PTPRN: variants seen among roughly 807,000 people sequenced by gnomAD.
The protein encoded by PTPRN is receptor-type tyrosine-protein phosphatase-like N.
PTPRN carries 70 observed loss-of-function variants against 108.5 expected under a neutral mutation model. The ratio of observed to expected loss-of-function variants is 0.65; its 90% CI spans 0.53 to 0.79. The LOEUF (loss-of-function observed/expected upper bound fraction) is 0.79, where lower values mean the gene tolerates loss of function less well. Ranked by LOEUF, PTPRN falls within the 30% of genes least tolerant of loss-of-function variation. The pLI is 0.00. For synonymous variants in PTPRN, 496 were observed against 524.6 expected, an observed-to-expected ratio of 0.95 and a Z score of 0.75; for missense variants, 1,136 against 1,295.5, an observed-to-expected ratio of 0.88 and a Z score of 1.89.
rs1246790660 is a variant in PTPRN, at chr2:219,296,181, A to T, written c.2508+45T>A. On this transcript the variant is annotated intron_variant, in intron 18 of 22. Coordinates refer to ENST00000295718, the MANE Select transcript of PTPRN (RefSeq NM_002846.4). This position sits in a 1 kb window ranked among gnomAD's most constrained non-coding sequence, Gnocchi z 6.0. ...AAACGTTACGAAAAGGCCATCATCT[A>T]CTCTTCCCACATCCATTGTCCCCTT... 6.2e-7 allele frequency: 1 copy of T among 1,606,510 alleles called. No individual in the cohort carries two copies. The highest frequency in any genetic ancestry group is 2.2e-5 in the East Asian group (1 of 44,642).
intron 8 of PTPRN, 108 bp downstream of exon 8, chr2:219,300,835 G>T: frequency 7.8e-7 from 1 of 1,274,740 alleles, no homozygotes; most frequent in Non-Finnish European, 1.1e-6. Context: ...CCCCCAAAAT[G>T]AGGGGTGGGA....
chr2:219,290,217 C>T lies in PTPRN; in HGVS notation c.*9G>A, dbSNP rs1416230481. The T allele has an allele frequency of 5.0e-6, 8 of 1,613,630 alleles. No individual in the cohort carries two copies. The highest frequency in any genetic ancestry group is 1.3e-5 in the African/African-American group (1 of 74,908). ...GAGGCTGGGCTGCCCGCCAAGGGGC[C>T]CCAGGGTCTCACTGGGGCAGGGCCT... On this transcript the variant is annotated 3_prime_UTR_variant, in exon 23 of 23. Coordinates refer to ENST00000295718, the MANE Select transcript of PTPRN (RefSeq NM_002846.4). The surrounding 1 kb of genome is among the most constrained non-coding windows in gnomAD (Gnocchi z 4.2).
In PTPRN at chr2:219,297,041, G is replaced by A; in HGVS notation, c.2180C>T (p.Ala727Val). 6.2e-7 allele frequency: 1 copy of A among 1,614,054 alleles called. No individual in the cohort carries two copies. The highest frequency in any genetic ancestry group is 1.1e-5 in the South Asian group (1 of 91,088). The part of the protein sequence containing the change: ...CAYQAEPNTC[A>V]TAQGEGNIKK... ...GATGTTGCCCTCCCCCTGCGCGGTG[G>A]CACAGGTGTTTGGCTCTGCTTGGTA... The change falls in exon 15 of 23, where the codon GCC (alanine) becomes GTC (valine). Residue 727 changes from alanine (A) to valine (V), a missense_variant. Physicochemically the swap from Ala to Val is moderately conservative, Grantham distance 64 (BLOSUM62 0). Coordinates refer to ENST00000295718, the MANE Select transcript of PTPRN (RefSeq NM_002846.4). The surrounding 1 kb of genome is among the most constrained non-coding windows in gnomAD (Gnocchi z 6.0).
rs189371244 is a variant in PTPRN, at chr2:219,302,276, C to T, written c.855G>A (p.Leu285=). The T allele has an allele frequency of 8.1e-6, 13 of 1,614,060 alleles. No homozygotes were observed. The highest frequency in any genetic ancestry group is 1.3e-5 in the African/African-American group (1 of 74,932). Residue 285 remains leucine (L), a synonymous_variant, in exon 6 of 23, where the codon TTG becomes TTA. Coordinates refer to ENST00000295718, the MANE Select transcript of PTPRN (RefSeq NM_002846.4). ...GCACCCTGGCCCTGCTGGGTGCTGG[C>T]AACTCCTGGGCCAGATAGAGCAGCC... is the stretch of plus-strand genomic sequence containing the variant. ...DSGLLYLAQE[L]PAPSRARVPR...
chr2:219,298,175 C>T lies in PTPRN; in HGVS notation c.1669-72G>A. 14 of 1,435,622 alleles carry T rather than the reference C, an allele frequency of 9.8e-6. No individual in the cohort carries two copies. The South Asian group carries it at 1.7e-4, about 17-fold the overall frequency. 88.9% of individuals were successfully genotyped at this position (1,435,622 alleles called of 1,614,324 possible). Reference sequence around the variant, plus strand: ...TTTCAGAGCTGCTCCTCACCCCGGTCCCATGCCACACCCCCTGTTAGGACA... The same window carrying T: ...TTTCAGAGCTGCTCCTCACCCCGGTTCCATGCCACACCCCCTGTTAGGACA... On this transcript the variant is annotated intron_variant, in intron 12 of 22. Coordinates refer to ENST00000295718, the MANE Select transcript of PTPRN (RefSeq NM_002846.4).
chr2:219,298,051 A>G lies in PTPRN; in HGVS notation c.1721T>C (p.Met574Thr), dbSNP rs772726843. 1.4e-5 allele frequency: 22 copies of G among 1,613,952 alleles called. No individual in the cohort carries two copies. The highest frequency in any genetic ancestry group is 1.3e-5 in the Non-Finnish European group (15 of 1,180,002). Residue 574 changes from methionine (M) to threonine (T), a missense_variant, in exon 13 of 23, where the codon ATG becomes ACG. Coordinates refer to ENST00000295718, the MANE Select transcript of PTPRN (RefSeq NM_002846.4). ...LPQTAHSTSPMRSVLLTLVAL... is the reference protein window; with the variant it reads ...LPQTAHSTSPTRSVLLTLVAL... ...CACCAGAGTGAGCAGCACTGAGCGCATGGGTGAGGTGCTGTGCGCAGTTTG... is the reference window on the plus strand; with the variant it reads ...CACCAGAGTGAGCAGCACTGAGCGCGTGGGTGAGGTGCTGTGCGCAGTTTG...
rs1299724786 is a variant in PTPRN, at chr2:219,302,379, C to G, written c.752G>C (p.Gly251Ala). The G allele has an allele frequency of 6.2e-7, 1 of 1,613,974 alleles. No individual in the cohort carries two copies. Residue 251 changes from glycine to alanine, a missense_variant, in exon 6 of 23, where the codon GGC becomes GCC. By Grantham distance (60) the Gly-to-Ala change is moderately conservative. Coordinates refer to ENST00000295718, the MANE Select transcript of PTPRN (RefSeq NM_002846.4). ...GTGGCCAGGGTGGTCCCCAAATATG[C>G]CCTTGGAGGCAGTTCTGCTGAAGAG... ...PALFSRTASKGIFGDHPGHSY... is the reference protein window; with the variant it reads ...PALFSRTASKAIFGDHPGHSY...
At chr2:219,299,496 G>T in intron 10 of PTPRN, 112 bp from the exon 11 acceptor site, 1 of 1,325,788 alleles carries the variant, frequency 7.5e-7, no homozygotes, top group South Asian at 1.2e-5. Context: ...GCAGATCGGG[G>T]ATGCCCTACA....
Position 219,296,174 on chromosome 2 carries a change from A to G in PTPRN, c.2508+52T>C, listed in dbSNP as rs200492332. The G allele has an allele frequency of 1.2e-6, 2 of 1,601,972 alleles. No individual in the cohort carries two copies. Among genetic ancestry groups the G allele is most frequent in the Non-Finnish European group, 1.7e-6 (2 of 1,169,882 alleles). On this transcript the variant is annotated intron_variant, in intron 18 of 22. Transcript: ENST00000295718. This position sits in a 1 kb window ranked among gnomAD's most constrained non-coding sequence, Gnocchi z 6.0. ...GTGAAGAAAACGTTACGAAAAGGCC[A>G]TCATCTACTCTTCCCACATCCATTG...
At chr2:219,307,602 C>A (rs773899561) in intron 2 of PTPRN, 45 bp from the exon 3 acceptor site, 13 of 1,566,744 alleles carry the variant, frequency 8.3e-6, no homozygotes, top group African/African-American at 1.4e-5. Flanking sequence ...GAATAAGAGG[C>A]CTTCCAAAGT....
chr2:219,303,262 C>CA (rs1216680112), intron 4 of PTPRN, among the ~76,000 whole-genome samples: 4 of 152,196 alleles, frequency 2.6e-5, no homozygotes, highest in Non-Finnish European at 4.4e-5. Context: ...CTCCACCCCC[C>CA]ACCACTATGC....
intron 4 of PTPRN, among the ~76,000 whole-genome samples, chr2:219,303,272 C>T (rs1334271236): frequency 6.6e-6 from 1 of 152,206 alleles, no homozygotes; most frequent in Non-Finnish European, 1.5e-5. Flanking sequence ...CACCACTATG[C>T]CATCTTCATC....
In PTPRN at chr2:219,289,914, G is replaced by A. The variant is rs1362895121; in HGVS notation, c.*312C>T. ...GTTCAGGGAACTCCCAGAACCCCAG[G>A]AGAGCTACAGGAGAGCCAGGCCAGG... is the stretch of plus-strand genomic sequence containing the variant. On this transcript the variant is annotated 3_prime_UTR_variant, in exon 23 of 23. Coordinates refer to ENST00000295718, the MANE Select transcript of PTPRN (RefSeq NM_002846.4). 2.8e-6 allele frequency: 1 copy of A among 354,240 alleles called. No individual in the cohort carries two copies. 21.9% of individuals were successfully genotyped at this position (354,240 alleles called of 1,614,324 possible). A position where few individuals can be genotyped will look rare whatever the true frequency, so the allele number is the denominator to read the frequency against.
At chr2:219,298,958 C>A (rs1049914550) in intron 12 of PTPRN, 89 bp downstream of exon 12, 85 of 1,499,448 alleles carry the variant, frequency 5.7e-5, no homozygotes, top group Non-Finnish European at 7.5e-5. Flanking sequence ...CACGTTTCGG[C>A]TCCAGTTCTC....
intron 12 of PTPRN, among the ~76,000 whole-genome samples, chr2:219,298,352 C>A (rs887473806): frequency 3.9e-5 from 6 of 152,186 alleles, no homozygotes; most frequent in Admixed American, 2.6e-4. Context: ...GGACAGAGAA[C>A]CCTAGGAATT....
At position 219,297,865 on chromosome 2, in the gene PTPRN, C is replaced by G; in HGVS notation, c.1887+20G>C. 1 of 1,587,262 alleles carries G rather than the reference C, an allele frequency of 6.3e-7. No homozygotes were observed. Among genetic ancestry groups the G allele is most frequent in the Non-Finnish European group, 8.6e-7 (1 of 1,167,584 alleles). Reference sequence around the variant, plus strand: ...GCCCCTTGCATTTCCTTTGCTCAATCAGCTTCTGGGGCTGCACACCTGGTA... The same window carrying G: ...GCCCCTTGCATTTCCTTTGCTCAATGAGCTTCTGGGGCTGCACACCTGGTA... On this transcript the variant is annotated intron_variant, in intron 13 of 22. Coordinates refer to ENST00000295718, the MANE Select transcript of PTPRN (RefSeq NM_002846.4). This position sits in a 1 kb window ranked among gnomAD's most constrained non-coding sequence, Gnocchi z 6.0.
rs1952027098 is a variant in PTPRN, at chr2:219,290,425, G to A, written c.2868+113C>T. ...TGGGAGGAAGGGAGCCCTCCTGGAG[G>A]AGGCGCAGAAGCAGGTGGGAAAGGT... is the stretch of plus-strand genomic sequence containing the variant. On this transcript the variant is annotated intron_variant, in intron 22 of 22. Transcript: ENST00000295718. This position sits in a 1 kb window ranked among gnomAD's most constrained non-coding sequence, Gnocchi z 4.2. The A allele has an allele frequency of 2.2e-6, 3 of 1,390,206 alleles. No homozygotes were observed. The highest frequency in any genetic ancestry group is 3.0e-6 in the Non-Finnish European group (3 of 1,002,238). 86.1% of individuals were successfully genotyped at this position (1,390,206 alleles called of 1,614,324 possible).
chr2:219,292,151 G>A (rs1952067194), intron 19 of PTPRN: 1 of 155,540 alleles, frequency 6.4e-6, no homozygotes, highest in Admixed American at 6.2e-5. Context: ...GCCAGGGGAG[G>A]ACAACCCCAA....
intron 3 of PTPRN, among the ~76,000 whole-genome samples, chr2:219,306,663 C>A (rs1019943406): frequency 5.3e-5 from 8 of 152,208 alleles, no homozygotes; most frequent in Non-Finnish European, 1.2e-4. Context: ...CCTACCTGAC[C>A]TCACCTTCTA....
Sources: gnomAD v4.1 joint callset for allele counts (sites outside exome capture counted in the v4.1 genomes callset) on GRCh38, gnomAD v4.1.1 for gene constraint, Gnocchi (gnomAD v3.1) non-coding constraint, MANE v1.5 for transcripts, NCBI Gene and HGNC (gene_info 2026-07-23, HGNC 2026-07-21) for gene names.